CCDC178: variants seen among roughly 807,000 people sequenced by gnomAD.
The protein encoded by CCDC178 is coiled-coil domain containing 178.
Under a neutral mutation model 117.4 loss-of-function variants are expected in CCDC178, and 126 were observed. That is an observed-to-expected ratio of 1.07 (90% CI 0.93 to 1.24). The LOEUF (loss-of-function observed/expected upper bound fraction) is 1.24, where lower values mean the gene tolerates loss of function less well. Ranked by LOEUF, CCDC178 falls within the 50% of genes most tolerant of loss-of-function variation. The probability of loss-of-function intolerance (pLI) is 0.00; values close to 1 mark genes in which losing one functional copy is unlikely to be tolerated. For synonymous variants in CCDC178, 283 were observed against 313.4 expected, an observed-to-expected ratio of 0.90 and a Z score of 1.02; for missense variants, 1,030 against 986.9, an observed-to-expected ratio of 1.04 and a Z score of -0.59.
chr18:33,356,446 C>G, intron 6 of CCDC178, 100 bp from the exon 7 acceptor site: 1 of 1,141,808 alleles, frequency 8.8e-7, no homozygotes, highest in Non-Finnish European at 1.2e-6. Flanking sequence ...TTACATATCT[C>G]TACTTCATTA....
chr18:33,253,735 C>T (rs540257734), intron 14 of CCDC178, among the ~76,000 whole-genome samples: 16 of 151,782 alleles, frequency 1.1e-4, no homozygotes, highest in Admixed American at 2.0e-4. Flanking sequence ...ACTTACCTAA[C>T]GGAAGAGAAG....
At position 33,209,054 on chromosome 18, in the gene CCDC178, T is replaced by C. The variant is rs929078457; in HGVS notation, c.2238+2842A>G. Among the ~76,000 whole-genome samples the C allele has an allele frequency of 2.0e-5, 3 of 152,132 alleles. No individual in the cohort carries two copies. The East Asian group carries it at 5.8e-4, about 29-fold the overall frequency. On this transcript the variant is annotated intron_variant, in intron 20 of 22. Transcript: ENST00000383096. ...GGACAACTCATAACAAATTATATCA[T>C]ATATAACCTACAATTTTGTATAGAT...
chr18:33,030,703 G>C (rs1197185248), intron 21 of CCDC178, among the ~76,000 whole-genome samples: 2 of 152,046 alleles, frequency 1.3e-5, no homozygotes, highest in African/African-American at 2.4e-5. Context: ...ATATGAGAGA[G>C]AGAATTTAAT....
chr18:33,080,204 A>G (rs540940417), intron 21 of CCDC178, among the ~76,000 whole-genome samples: 61 of 152,280 alleles, frequency 4.0e-4, no homozygotes, highest in Middle Eastern at 3.4e-3. Flanking sequence ...GCTCTCACTT[A>G]TAAGTAGGAG....
intron 2 of CCDC178, among the ~76,000 whole-genome samples, chr18:33,433,276 TA>T (rs1348816310): frequency 7.2e-5 from 11 of 152,164 alleles, no homozygotes; most frequent in Admixed American, 5.9e-4. Context: ...CCAGATTCCC[TA>T]AATGATCTTC....
chr18:33,402,172 GAT>G (rs1481424494), intron 3 of CCDC178, among the ~76,000 whole-genome samples: 1 of 152,110 alleles, frequency 6.6e-6, no homozygotes, highest in Non-Finnish European at 1.5e-5. Context: ...GTTAAAAAGA[GAT>G]ATCAGAGAAA....
intron 21 of CCDC178, among the ~76,000 whole-genome samples, chr18:33,050,334 G>A (rs764922746): frequency 4.3e-4 from 65 of 152,056 alleles, no homozygotes; most frequent in Middle Eastern, 3.2e-3. Context: ...GACAGAAACC[G>A]CCGAAGTTTG....
At chr18:33,232,551 G>A (rs943713779) in intron 15 of CCDC178, among the ~76,000 whole-genome samples, 2 of 152,156 alleles carry the variant, frequency 1.3e-5, no homozygotes, top group African/African-American at 4.8e-5. Context: ...AGTGGGACCA[G>A]GTATCTCTGG....
chr18:33,282,451 G>A (rs1331285532), intron 12 of CCDC178, among the ~76,000 whole-genome samples: 3 of 152,142 alleles, frequency 2.0e-5, no homozygotes, highest in South Asian at 4.1e-4. Flanking sequence ...CATCAGATGG[G>A]ACTAGTCTGA....
At chr18:33,080,083 C>T (rs272964) in intron 21 of CCDC178, among the ~76,000 whole-genome samples, 17,742 of 152,176 alleles carry the variant, frequency 0.12, 1,736 homozygotes, top group African/African-American at 0.26. Context: ...CACCATGGAA[C>T]ACTATGCAGC....
chr18:32,970,530 G>A (rs1271440199), intron 22 of CCDC178, among the ~76,000 whole-genome samples: 1 of 151,878 alleles, frequency 6.6e-6, no homozygotes, highest in Non-Finnish European at 1.5e-5. Flanking sequence ...TAAGCCACAG[G>A]AAAATGAAAA....
intron 12 of CCDC178, among the ~76,000 whole-genome samples, chr18:33,271,853 T>C (rs1198032945): frequency 1.3e-5 from 2 of 151,422 alleles, no homozygotes; most frequent in Admixed American, 1.3e-4. Flanking sequence ...GATTAGAAAA[T>C]ATTTTGAGAT....
At chr18:33,232,666 T>A (rs2059380846) in intron 15 of CCDC178, among the ~76,000 whole-genome samples, 1 of 152,188 alleles carries the variant, frequency 6.6e-6, no homozygotes, top group Non-Finnish European at 1.5e-5. Flanking sequence ...CATGACACTA[T>A]GTTATCTTTC....
chr18:33,242,774 T>C (rs2059503693), intron 15 of CCDC178, among the ~76,000 whole-genome samples: 1 of 151,774 alleles, frequency 6.6e-6, no homozygotes, highest in Non-Finnish European at 1.5e-5. Flanking sequence ...TGGTGAGATG[T>C]GGAAAAAAGA....
chr18:33,347,073 C>T (rs890988800), intron 8 of CCDC178, among the ~76,000 whole-genome samples: 8 of 152,054 alleles, frequency 5.3e-5, no homozygotes, highest in South Asian at 2.1e-4. Flanking sequence ...GAGCCCATTA[C>T]GTTCCGGGAA....
rs1248619084 is a variant in CCDC178 at position 33,293,221 on chromosome 18, C to T, written c.1114G>A (p.Val372Met). The T allele has an allele frequency of 6.3e-7, 1 of 1,587,130 alleles. No individual in the cohort carries two copies. Among genetic ancestry groups the T allele is most frequent in the Admixed American group, 1.7e-5 (1 of 59,598 alleles). ...NTNIEEKEEEVTEAIRETKSS... is the reference protein window; with the variant it reads ...NTNIEEKEEEMTEAIRETKSS... ...TTTGTTTCCCTTATTGCTTCAGTCA[C>T]TTCCTCTTCCTTCTCCTCAATATTA... Residue 372 changes from valine (V) to methionine (M), a missense_variant, in exon 12 of 23, where the codon GTG (valine) becomes ATG (methionine). Transcript: ENST00000383096.
intron 12 of CCDC178, among the ~76,000 whole-genome samples, chr18:33,269,169 C>G (rs1599080008): frequency 6.6e-6 from 1 of 151,700 alleles, no homozygotes; most frequent in East Asian, 1.9e-4. Context: ...AAACTCTCTC[C>G]CAGAAAAGCT....
At chr18:33,298,680 T>C (rs1599124989) in intron 11 of CCDC178, among the ~76,000 whole-genome samples, 1 of 152,066 alleles carries the variant, frequency 6.6e-6, no homozygotes, top group South Asian at 2.1e-4. Flanking sequence ...TTTTGGAAAG[T>C]AGGAAGTCTA....
rs139813428 is a variant in CCDC178 at position 33,042,479 on chromosome 18, T to C, written c.2388+50282A>G. ...AGTCAATGTATGTACATATGTAAAATATGAGTGGAGTTTGTTCTGTATCAA... is the reference window on the plus strand; with the variant it reads ...AGTCAATGTATGTACATATGTAAAACATGAGTGGAGTTTGTTCTGTATCAA... On this transcript the variant is annotated intron_variant, in intron 21 of 22. Transcript: ENST00000383096. Among the ~76,000 whole-genome samples the C allele has an allele frequency of 7.2e-5, 11 of 151,954 alleles. No individual in the cohort carries two copies. The East Asian group carries it at 2.1e-3, about 29-fold the overall frequency.
Sources: gnomAD v4.1 joint callset for allele counts (sites outside exome capture counted in the v4.1 genomes callset) on GRCh38, gnomAD v4.1.1 for gene constraint, MANE v1.5 for transcripts, NCBI Gene and HGNC (gene_info 2026-07-23, HGNC 2026-07-21) for gene names.